The following PLCL2 variants were observed in gnomAD, a reference collection of about 807,000 sequenced individuals.
PLCL2 encodes the protein inactive phospholipase C-like protein 2.
A neutral mutation model predicts 79.6 loss-of-function variants in PLCL2; 4 were observed. The ratio of observed to expected loss-of-function variants is 0.05; its 90% CI spans 0.02 to 0.11. The LOEUF (loss-of-function observed/expected upper bound fraction) is 0.11, where lower values mean the gene tolerates loss of function less well. Among genes scored for constraint, PLCL2 ranks in the 10% least tolerant of loss-of-function variants. The pLI is 1.00. For missense variants in PLCL2, 895 were observed against 1,291.0 expected (o/e 0.69, Z 4.70); for synonymous variants, 484 against 457.7 (o/e 1.06, Z -0.73).
At chr3:16,933,999 G>A (rs1483235264) in intron 1 of PLCL2, among the ~76,000 whole-genome samples, 2 of 152,154 alleles carry the variant, frequency 1.3e-5, no homozygotes, top group East Asian at 1.9e-4. Context: ...CCCAGGAGGC[G>A]GAGGTTGCAG....
At position 17,090,280 on chromosome 3, in the gene PLCL2, G is replaced by GA. The variant is rs150136296; in HGVS notation, c.*375dup. On this transcript the variant is annotated 3_prime_UTR_variant, in exon 6 of 6. Coordinates refer to ENST00000615277, the MANE Select transcript of PLCL2 (RefSeq NM_001144382.2). ...GATTGTCAAATTATTATTTATTGGA[G>GA]AAAAAAACCTGATCTACACATTTTT... 4 of 980,242 alleles carry GA rather than the reference G, an allele frequency of 4.1e-6. No individual in the cohort carries two copies. Among genetic ancestry groups the GA allele is most frequent in the Non-Finnish European group, 4.9e-6 (4 of 824,512 alleles). The allele number at this position is 980,242 out of a possible 1,614,324, so 60.7% of individuals were successfully genotyped here. A position where few individuals can be genotyped will look rare whatever the true frequency, so the allele number is the denominator to read the frequency against.
At chr3:16,915,143 A>T (rs183976356) in intron 1 of PLCL2, among the ~76,000 whole-genome samples, 2 of 152,372 alleles carry the variant, frequency 1.3e-5, no homozygotes, top group Admixed American at 1.3e-4. Context: ...CAATTAAAAC[A>T]TATCTTTTAT....
chr3:16,901,135 C>T (rs1053709990), intron 1 of PLCL2, among the ~76,000 whole-genome samples: 1 of 152,178 alleles, frequency 6.6e-6, no homozygotes, highest in African/African-American at 2.4e-5. Flanking sequence ...CTTGAAGTTT[C>T]AAAAAATTAT....
chr3:17,071,617 T>C (rs1242061689), intron 5 of PLCL2, among the ~76,000 whole-genome samples: 2 of 152,232 alleles, frequency 1.3e-5, no homozygotes, highest in Non-Finnish European at 2.9e-5. Context: ...GATCAGTATA[T>C]ATTTTAATGA....
chr3:16,953,613 A>G (rs139618629), intron 1 of PLCL2, among the ~76,000 whole-genome samples: 34 of 152,300 alleles, frequency 2.2e-4, no homozygotes, highest in African/African-American at 7.0e-4. Flanking sequence ...GTTGGAATTT[A>G]GTCATTTCTG....
intron 5 of PLCL2, among the ~76,000 whole-genome samples, chr3:17,074,085 C>T (rs6769281): frequency 0.014 from 2,179 of 152,262 alleles, 61 homozygotes; most frequent in African/African-American, 0.05. Flanking sequence ...TTACTTTACC[C>T]CGATTCATCA....
At chr3:17,001,233 T>C (rs2064208029) in intron 1 of PLCL2, among the ~76,000 whole-genome samples, 2 of 152,120 alleles carry the variant, frequency 1.3e-5, no homozygotes, top group Admixed American at 6.5e-5. Context: ...ATTTAGATAA[T>C]TTGCCCATTT....
chr3:16,981,108 C>T (rs2063991531), intron 1 of PLCL2, among the ~76,000 whole-genome samples: 1 of 151,986 alleles, frequency 6.6e-6, no homozygotes, highest in Non-Finnish European at 1.5e-5. Flanking sequence ...TTCGGCTCGG[C>T]ATCAGAGGGA....
chr3:17,035,926 A>C, intron 3 of PLCL2: 1 of 321,964 alleles, frequency 3.1e-6, no homozygotes, highest in South Asian at 2.8e-5. Flanking sequence ...CTTTTTATCA[A>C]GCGCATGTCA....
chr3:16,952,850 A>G (rs747009225), intron 1 of PLCL2, among the ~76,000 whole-genome samples: 3 of 152,056 alleles, frequency 2.0e-5, no homozygotes, highest in Non-Finnish European at 4.4e-5. Flanking sequence ...GCTTGTATAT[A>G]ATGCAAAATT....
chr3:16,991,672 C>T (rs780254294), intron 1 of PLCL2, among the ~76,000 whole-genome samples: 4 of 152,084 alleles, frequency 2.6e-5, no homozygotes, highest in African/African-American at 4.8e-5. Context: ...TTGGTTTTCC[C>T]GTATTCCTGG....
intron 4 of PLCL2, among the ~76,000 whole-genome samples, chr3:17,044,664 G>T (rs1282875533): frequency 6.6e-6 from 1 of 151,970 alleles, no homozygotes; most frequent in Non-Finnish European, 1.5e-5. Context: ...AACTAAATAT[G>T]ATTTTATTTT....
At chr3:17,041,154 G>A (rs1021455218) in intron 3 of PLCL2, among the ~76,000 whole-genome samples, 2 of 152,092 alleles carry the variant, frequency 1.3e-5, no homozygotes, top group African/African-American at 4.8e-5. Context: ...AGTTCTTAAC[G>A]ATTCATTTTT....
At chr3:16,897,614 C>T (rs1575516282) in intron 1 of PLCL2, among the ~76,000 whole-genome samples, 1 of 152,214 alleles carries the variant, frequency 6.6e-6, no homozygotes, top group Non-Finnish European at 1.5e-5. Context: ...GATTATAAAT[C>T]GGCACTTGCC....
intron 1 of PLCL2, among the ~76,000 whole-genome samples, chr3:16,895,563 C>A (rs1030418872): frequency 2.6e-5 from 4 of 152,128 alleles, no homozygotes; most frequent in African/African-American, 9.7e-5. Context: ...TTGTTACATA[C>A]ACATAAAGTC....
chr3:17,027,887 T>G (rs749336062), intron 3 of PLCL2, among the ~76,000 whole-genome samples: 1 of 152,204 alleles, frequency 6.6e-6, no homozygotes, highest in African/African-American at 2.4e-5. Context: ...AATTAACGTT[T>G]GCTCTGATTT....
intron 1 of PLCL2, among the ~76,000 whole-genome samples, chr3:16,937,910 G>A (rs1559491544): frequency 6.6e-6 from 1 of 152,190 alleles, no homozygotes; most frequent in Non-Finnish European, 1.5e-5. Flanking sequence ...ACAGGTTACA[G>A]TTTTAAATTG....
chr3:16,924,955 G>C (rs1293939664), intron 1 of PLCL2, among the ~76,000 whole-genome samples: 1 of 150,032 alleles, frequency 6.7e-6, no homozygotes, highest in Admixed American at 6.6e-5. Flanking sequence ...ATGGAGTCTC[G>C]CTCTGTCACC....
At chr3:16,931,083 T>A (rs2124942562) in intron 1 of PLCL2, among the ~76,000 whole-genome samples, 1 of 152,042 alleles carries the variant, frequency 6.6e-6, no homozygotes, top group Admixed American at 6.5e-5. Flanking sequence ...AAATACTACA[T>A]CCTTGGCAAG....
Sources: allele counts gnomAD v4.1 joint callset (sites outside exome capture counted in the v4.1 genomes callset), GRCh38; gene constraint gnomAD v4.1.1; transcripts MANE v1.5; gene names NCBI Gene and HGNC (gene_info 2026-07-23, HGNC 2026-07-21).